The following FLII variants were observed in gnomAD, a reference collection of about 807,000 sequenced individuals.
FLII encodes protein flightless-1 homolog.
Under a neutral mutation model 156.2 loss-of-function variants are expected in FLII, and 101 were observed. That is an observed-to-expected ratio of 0.65 (90% CI 0.55 to 0.76). The LOEUF (loss-of-function observed/expected upper bound fraction) is 0.76. Among genes scored for constraint, FLII ranks in the 30% least tolerant of loss-of-function variants. The pLI is 0.00. For missense variants in FLII, 1,675 were observed against 1,682.8 expected, an observed-to-expected ratio of 1.00 and a Z score of 0.08; for synonymous variants, 767 against 685.8, an observed-to-expected ratio of 1.12 and a Z score of -1.85.
Position 18,247,227 on chromosome 17 carries a change from A to C in FLII, c.2618T>G (p.Met873Arg). The change falls in exon 21 of 30, where the codon ATG becomes AGG. Residue 873 changes from methionine (M) to arginine (R), a missense_variant. Coordinates refer to ENST00000327031, the MANE Select transcript of FLII (RefSeq NM_002018.4). ...VKRDAEKKDQ[M>R]KADLTALFLP... ...GAAAAGCGCAGTGAGGTCAGCCTTC[A>C]TCTGGTCTTTCTTCTCGGCGTCGCG... 2.5e-6 allele frequency: 4 copies of C among 1,595,418 alleles called. No individual in the cohort carries two copies. Among genetic ancestry groups the C allele is most frequent in the Non-Finnish European group, 2.5e-6 (3 of 1,177,962 alleles).
chr17:18,247,130 A>ACCCCC, intron 21 of FLII, 39 bp downstream of exon 21: 2 of 956,714 alleles, frequency 2.1e-6, no homozygotes, highest in Non-Finnish European at 2.8e-6. Context: ...CCTGCCCCCC[A>ACCCCC]CCCCCCCCCC....
intron 13 of FLII, 65 bp downstream of exon 13, chr17:18,251,200 G>C: frequency 3.9e-6 from 6 of 1,550,274 alleles, no homozygotes; most frequent in Non-Finnish European, 5.3e-6. Flanking sequence ...CTGGAGTTGG[G>C]GACTGAGCCA....
rs766005778 is a variant in FLII at position 18,251,295 on chromosome 17, G to T, written c.1566C>A (p.Phe522Leu). Residue 522 changes from phenylalanine (F) to leucine (L), a missense_variant, in exon 13 of 30, where the codon TTC becomes TTA. Physicochemically the swap from Phe to Leu is conservative, Grantham distance 22. This residue lies in a region of FLII where 1,332 missense variants were observed against 1,269.3 expected (regional missense o/e 1.05). Transcript: ENST00000327031. ...VLVEEAFHGK[F>L]YEADCYIVLK... ...GCACAATGTAGCAGTCAGCCTCGTA[G>T]AACTTGCCGTGGAAGGCTTCCTCCA... The T allele has an allele frequency of 3.1e-6, 5 of 1,613,888 alleles. No homozygotes were observed. The highest frequency in any genetic ancestry group is 4.2e-6 in the Non-Finnish European group (5 of 1,180,040).
chr17:18,246,854 G>A, intron 22 of FLII, 26 bp from the exon 23 acceptor site: 2 of 1,614,028 alleles, frequency 1.2e-6, no homozygotes, highest in Non-Finnish European at 8.5e-7. Flanking sequence ...GTTGTGAGCA[G>A]GGGCTCGAGC....
At chr17:18,257,110 G>T in intron 1 of FLII, 91 bp from the exon 2 acceptor site, 1 of 730,902 alleles carries the variant, frequency 1.4e-6, no homozygotes, top group Non-Finnish European at 2.3e-6. Flanking sequence ...GGGAGCCACA[G>T]AACCAACTCT....
chr17:18,251,197 TG>T, intron 13 of FLII, 67 bp downstream of exon 13: 2 of 1,545,426 alleles, frequency 1.3e-6, no homozygotes, highest in Admixed American at 1.8e-5. Context: ...ACTCTGGAGT[TG>T]GGGACTGAGC....
At chr17:18,248,975 T>TG in intron 16 of FLII, 92 bp from the exon 17 acceptor site, 1 of 1,405,088 alleles carries the variant, frequency 7.1e-7, no homozygotes, top group East Asian at 2.3e-5. Context: ...TCCCTCACTA[T>TG]GGGGTTTCTG....
rs1274402196 is a variant in FLII at position 18,248,565 on chromosome 17, C to T, written c.2175G>A (p.Gln725=). Residue 725 remains glutamine (Q), a synonymous_variant, in exon 18 of 30, where the codon CAG becomes CAA. Transcript: ENST00000327031. ...KHVPEDFWPP[Q]PKLYKVGLGL... is the part of the protein sequence containing the mutation. ...CAGGGCTCACCTTGTACAGCTTGGG[C>T]TGCGGCGGCCAGAAGTCTTCAGGCA... is the stretch of plus-strand genomic sequence containing the variant. 1.2e-6 allele frequency: 2 copies of T among 1,610,194 alleles called. No individual in the cohort carries two copies. The highest frequency in any genetic ancestry group is 1.3e-5 in the African/African-American group (1 of 74,856).
rs761454237 is a variant in FLII at position 18,246,442 on chromosome 17, C to T, written c.3072G>A (p.Gln1024=). ...GGGACAGGAACTTGGGGTTCTCCTG[C>T]TGCTGCGTCATGCGTACCACCTGGG... ...GKLEVVRMTQ[Q]QENPKFLSHF... Residue 1024 remains glutamine (Q), a synonymous_variant, in exon 24 of 30, where the codon CAG becomes CAA. Coordinates refer to ENST00000327031, the MANE Select transcript of FLII (RefSeq NM_002018.4). The T allele has an allele frequency of 3.1e-6, 5 of 1,613,996 alleles. 1 individual carries two copies. In the South Asian group the frequency reaches 5.5e-5, roughly 18 times the overall value.
chr17:18,245,880 CCCTGCCTGCCCTGGCTCCTCTGTGTGTG>C, intron 26 of FLII, 26 bp downstream of exon 26: 1 of 1,613,758 alleles, frequency 6.2e-7, no homozygotes, highest in Non-Finnish European at 8.5e-7. Context: ...AGCCCAGGGC[CCCTGCCTGCCCTGGCTCCTCTGTGTGTG>C]CCCGCCTGCC....
Position 18,250,828 on chromosome 17 carries a change from G to A in FLII, c.1776+10C>T, listed in dbSNP as rs370729907. 8.8e-4 allele frequency: 1,403 copies of A among 1,601,470 alleles called. 20 individuals carry two copies. In the South Asian group the frequency reaches 0.014, roughly 16 times the overall value. ...CACTCTGCCCACCCCCAATTTTAAC[G>A]GGCTGGCACCTGCAGGAACTCCTCG... On this transcript the variant is annotated intron_variant, in intron 14 of 29. Coordinates refer to ENST00000327031, the MANE Select transcript of FLII (RefSeq NM_002018.4).
chr17:18,252,359 G>T, intron 10 of FLII, 113 bp downstream of exon 10: 1 of 1,050,156 alleles, frequency 9.5e-7, no homozygotes, highest in Non-Finnish European at 1.5e-6. Flanking sequence ...TTCTCCCCAC[G>T]GGCACCCTGG....
At position 18,251,683 on chromosome 17, in the gene FLII, C is replaced by A. The variant is rs1306250048; in HGVS notation, c.1380G>T (p.Gln460His). 1.9e-6 allele frequency: 3 copies of A among 1,614,006 alleles called. No homozygotes were observed. Among genetic ancestry groups the A allele is most frequent in the Admixed American group, 3.3e-5 (2 of 60,026 alleles). The part of the protein sequence containing the change: ...SDVAQEKNKK[Q>H]EESADARAPS... ...TCCCAACCCTGGCCTGGCTCACCTCCTGCTTTTTGTTCTTCTCCTGGGCAA... is the reference window on the plus strand; with the variant it reads ...TCCCAACCCTGGCCTGGCTCACCTCATGCTTTTTGTTCTTCTCCTGGGCAA... Residue 460 changes from glutamine to histidine, a missense_variant, in exon 12 of 30, where the codon CAG (glutamine) becomes CAT (histidine). By Grantham distance (24) the Gln-to-His change is conservative (BLOSUM62 0). Transcript: ENST00000327031.
At position 18,248,734 on chromosome 17, in the gene FLII, T is replaced by G; in HGVS notation, c.2019-13A>C. 1.2e-6 allele frequency: 2 copies of G among 1,613,956 alleles called. No individual in the cohort carries two copies. The highest frequency in any genetic ancestry group is 1.7e-6 in the Non-Finnish European group (2 of 1,179,860). On this transcript the variant is annotated splice_polypyrimidine_tract_variant and intron_variant, in intron 17 of 29. Transcript: ENST00000327031. ...CTCTGCAAAGAGCCTGAGAGCAGGA[T>G]GCAAAGTCATCAGCGAGGCTCACAC...
At chr17:18,248,120 C>T (rs2048148112) in intron 18 of FLII, 87 bp from the exon 19 acceptor site, 9 of 864,072 alleles carry the variant, frequency 1.0e-5, no homozygotes, top group Non-Finnish European at 1.7e-5. Context: ...CCAGCCCTGC[C>T]CTGCAGCGTG....
At chr17:18,256,385 C>G in intron 3 of FLII, 141 bp downstream of exon 3, 1 of 660,654 alleles carries the variant, frequency 1.5e-6, no homozygotes, top group Non-Finnish European at 2.7e-6. Context: ...GAGAGGGCCC[C>G]TCTGTGACAC....
intron 25 of FLII, 29 bp from the exon 26 acceptor site, chr17:18,246,091 C>G: frequency 6.2e-7 from 1 of 1,614,070 alleles, no homozygotes; most frequent in Non-Finnish European, 8.5e-7. Flanking sequence ...TGGGGGTGTT[C>G]GCAGCTGACT....
Position 18,248,676 on chromosome 17 carries a change from A to T in FLII, c.2064T>A (p.Ala688=), listed in dbSNP as rs779738386. ...GGCCCTGCACCAGCAGTGTGATCTC[A>T]GCCTTCCCTTTCCGCTCATTCTTGT... is the stretch of plus-strand genomic sequence containing the variant. ...KINKNERKGK[A]EITLLVQGQE... The change falls in exon 18 of 30, where the codon GCT becomes GCA. Residue 688 remains alanine (A), a synonymous_variant. Coordinates refer to ENST00000327031, the MANE Select transcript of FLII (RefSeq NM_002018.4). 7.4e-6 allele frequency: 12 copies of T among 1,613,968 alleles called. No homozygotes were observed. The highest frequency in any genetic ancestry group is 9.3e-6 in the Non-Finnish European group (11 of 1,179,884).
intron 1 of FLII, among the ~76,000 whole-genome samples, chr17:18,257,481 G>T (rs1343041625): frequency 6.6e-6 from 1 of 152,162 alleles, no homozygotes; most frequent in Non-Finnish European, 1.5e-5. Context: ...TGCGGAGACC[G>T]TGGCTCCCCA....
Sources: allele counts gnomAD v4.1 joint callset (sites outside exome capture counted in the v4.1 genomes callset), GRCh38; gene constraint gnomAD v4.1.1; regional missense constraint gnomAD v4.1.1; transcripts MANE v1.5; gene names NCBI Gene and HGNC (gene_info 2026-07-23, HGNC 2026-07-21).